AATK: variants seen among roughly 807,000 people sequenced by gnomAD.
AATK encodes the protein serine/threonine-protein kinase LMTK1.
In AATK, 91 loss-of-function variants were observed where a neutral mutation model predicts 114.3. That is an observed-to-expected ratio of 0.80 (90% confidence interval 0.67 to 0.95). The LOEUF (loss-of-function observed/expected upper bound fraction) is 0.95, where lower values mean the gene tolerates loss of function less well. Among genes scored for constraint, AATK ranks in the 40% least tolerant of loss-of-function variants. AATK has a pLI of 0.00. For synonymous variants in AATK, 1,075 were observed against 916.5 expected, an observed-to-expected ratio of 1.17 and a Z score of -3.12; for missense variants, 2,176 against 1,965.2, an observed-to-expected ratio of 1.11 and a Z score of -2.03.
intron 1 of AATK, among the ~76,000 whole-genome samples, chr17:81,153,053 G>A (rs567200242): frequency 1.3e-5 from 2 of 152,250 alleles, no homozygotes; most frequent in African/African-American, 4.8e-5. Context: ...TGTTGGCCAG[G>A]CTGGTCTTGA....
At chr17:81,125,079 A>G in intron 7 of AATK, 65 bp from the exon 8 acceptor site, 6 of 777,846 alleles carry the variant, frequency 7.7e-6, no homozygotes, top group African/African-American at 1.8e-5. Context: ...GGGTGGGGGC[A>G]GGGGGAGGGT....
intron 1 of AATK, among the ~76,000 whole-genome samples, chr17:81,146,167 C>G (rs1396999538): frequency 7.1e-6 from 1 of 141,440 alleles, no homozygotes; most frequent in Admixed American, 7.4e-5. Flanking sequence ...CCAGCCTAGG[C>G]AAGAGAGCGA....
Position 81,131,174 on chromosome 17 carries a change from G to C in AATK, c.221C>G (p.Ala74Gly), listed in dbSNP as rs2060924631. 6.3e-7 allele frequency: 1 copy of C among 1,580,794 alleles called. No homozygotes were observed. Among genetic ancestry groups the C allele is most frequent in the Admixed American group, 1.8e-5 (1 of 56,612 alleles). The change falls in exon 3 of 14, where the codon GCA becomes GGA. Residue 74 changes from alanine (A) to glycine (G), a missense_variant. Transcript: ENST00000326724. ...EFENAEGDEY[A>G]ADLAQGSPAT... The stretch of plus-strand genomic sequence containing the variant: ...CGGGGAGCCCTGCGCCAGGTCGGCT[G>C]CGTACTCGTCCCCCTCCGCATTCTC...
chr17:81,126,482 C>A lies in AATK; in HGVS notation c.700G>T (p.Ala234Ser). ...APDPRTLQRM[A>S]CEVACGVLHL... The stretch of plus-strand genomic sequence containing the variant: ...AGGACGCCACAGGCCACCTCACAGG[C>A]CATGCGCTGCAGGGTCCGGGGGTCG... Residue 234 changes from alanine (A) to serine (S), a missense_variant, in exon 7 of 14, where the codon GCC (alanine) becomes TCC (serine). Ala to Ser is a moderately conservative substitution (Grantham distance 99). Transcript: ENST00000326724. This position sits in a 1 kb window ranked among gnomAD's most constrained non-coding sequence, Gnocchi z 5.1. The A allele has an allele frequency of 6.4e-7, 1 of 1,555,950 alleles. No homozygotes were observed. Among genetic ancestry groups the A allele is most frequent in the South Asian group, 1.2e-5 (1 of 84,410 alleles).
At chr17:81,127,991 C>T (rs771921021) in intron 4 of AATK, 81 bp from the exon 5 acceptor site, 11 of 1,504,526 alleles carry the variant, frequency 7.3e-6, no homozygotes, top group Middle Eastern at 2.4e-4. Context: ...TCCCACCCGC[C>T]CCACGCCGGC....
intron 1 of AATK, among the ~76,000 whole-genome samples, chr17:81,140,918 C>T (rs1256102100): frequency 1.2e-5 from 1 of 86,296 alleles, no homozygotes. Flanking sequence ...GCCGTGGGGC[C>T]GTGGGACCGT....
rs2060828513 is a variant in AATK at position 81,126,563 on chromosome 17, G to A, written c.622-3C>T. 2.6e-6 allele frequency: 4 copies of A among 1,537,944 alleles called. No homozygotes were observed. Among genetic ancestry groups the A allele is most frequent in the Middle Eastern group, 1.7e-4 (1 of 5,926 alleles). On this transcript the variant is annotated splice_polypyrimidine_tract_variant and splice_region_variant and intron_variant, in intron 6 of 13. Coordinates refer to ENST00000326724, the MANE Select transcript of AATK (RefSeq NM_001080395.3). This position sits in a 1 kb window ranked among gnomAD's most constrained non-coding sequence, Gnocchi z 5.1. ...CGCAGGTAGCCCTTGAGGTCCCCCT[G>A]CAGAAAGGGGGTGTGGCGCAGTCAC...
intron 1 of AATK, among the ~76,000 whole-genome samples, chr17:81,142,273 T>C (rs1277033838): frequency 7.6e-5 from 11 of 144,604 alleles, no homozygotes; most frequent in Admixed American, 7.5e-4. Flanking sequence ...TTTTCTTTTT[T>C]CTTTTCTTTT....
intron 1 of AATK, among the ~76,000 whole-genome samples, chr17:81,157,632 G>C (rs1346478698): frequency 6.6e-6 from 1 of 152,230 alleles, no homozygotes; most frequent in East Asian, 1.9e-4. Context: ...ACACTCACAA[G>C]GAATGTCCCC....
intron 1 of AATK, among the ~76,000 whole-genome samples, chr17:81,143,459 C>T (rs909864386): frequency 2.3e-4 from 26 of 111,936 alleles, no homozygotes; most frequent in Admixed American, 1.1e-3. Context: ...GGCCATGCAG[C>T]CCCCACCCCT....
At chr17:81,118,543 C>T (rs563866591) in intron 13 of AATK, 101 bp from the exon 14 acceptor site, 50 of 1,258,436 alleles carry the variant, frequency 4.0e-5, no homozygotes, top group South Asian at 3.8e-4. Flanking sequence ...ACATACAGGC[C>T]GGGCCCCTTC....
chr17:81,143,440 T>C (rs1305606665), intron 1 of AATK, among the ~76,000 whole-genome samples: 1 of 151,344 alleles, frequency 6.6e-6, no homozygotes, highest in Non-Finnish European at 1.5e-5. Flanking sequence ...CCCATCCAGC[T>C]CTGCCTGGGG....
At position 81,120,624 on chromosome 17, in the gene AATK, G is replaced by C. The variant is rs755859776; in HGVS notation, c.3312C>G (p.Thr1104=). ...SPSCSQFFLL[T]PVPLRSEGNS... ...TGCCTTCTGATCTCAGCGGAACCGG[G>C]GTCAGCAGGAAAAACTGGGAGCAGC... is the stretch of plus-strand genomic sequence containing the variant. Residue 1104 remains threonine, a synonymous_variant, in exon 11 of 14, where the codon ACC becomes ACG. Coordinates refer to ENST00000326724, the MANE Select transcript of AATK (RefSeq NM_001080395.3). The C allele has an allele frequency of 3.8e-5, 58 of 1,545,928 alleles. No individual in the cohort carries two copies. Among genetic ancestry groups the C allele is most frequent in the Non-Finnish European group, 2.6e-6 (3 of 1,149,498 alleles).
At chr17:81,124,066 G>A (rs2060748413) in intron 9 of AATK, among the ~76,000 whole-genome samples, 1 of 152,172 alleles carries the variant, frequency 6.6e-6, no homozygotes, top group South Asian at 2.1e-4. Flanking sequence ...GGGCAGTCAA[G>A]TGGCTTAGGG....
chr17:81,130,001 T>C (rs1024325008), intron 3 of AATK, among the ~76,000 whole-genome samples: 2 of 152,184 alleles, frequency 1.3e-5, no homozygotes, highest in African/African-American at 4.8e-5. Context: ...GGGCCCTCTC[T>C]AGGTCCCAGA....
intron 1 of AATK, among the ~76,000 whole-genome samples, chr17:81,161,375 T>A (rs2061428245): frequency 6.6e-6 from 1 of 152,170 alleles, no homozygotes; most frequent in South Asian, 2.1e-4. Flanking sequence ...CAGGCCCCAG[T>A]CATTGGATTC....
intron 1 of AATK, among the ~76,000 whole-genome samples, chr17:81,160,628 G>A (rs1440663380): frequency 5.9e-5 from 9 of 152,174 alleles, no homozygotes; most frequent in African/African-American, 1.9e-4. Flanking sequence ...CCACGGACAC[G>A]GGCTCCTGGG....
chr17:81,134,368 C>T lies in AATK; in HGVS notation c.189G>A (p.Lys63=). 1.2e-6 allele frequency: 2 copies of T among 1,613,072 alleles called. No homozygotes were observed. Among genetic ancestry groups the T allele is most frequent in the Non-Finnish European group, 1.7e-6 (2 of 1,179,766 alleles). The change falls in exon 2 of 14, where the codon AAG becomes AAA. Residue 63 remains lysine, a splice_region_variant and synonymous_variant. Transcript: ENST00000326724. ...AGCTCCCGCGGCCCCCAGGCCTCACCTTGAACCCGATACCGCCCTTCTTAC... is the reference window on the plus strand; with the variant it reads ...AGCTCCCGCGGCCCCCAGGCCTCACTTTGAACCCGATACCGCCCTTCTTAC... The part of the protein sequence containing the change: ...LCCKKGGIGF[K]EFENAEGDEY...
chr17:81,126,863 G>A lies in AATK; in HGVS notation c.622-303C>T, dbSNP rs1288028091. 1.2e-5 allele frequency: 14 copies of A among 1,212,754 alleles called. No individual in the cohort carries two copies. Among genetic ancestry groups the A allele is most frequent in the Admixed American group, 3.9e-5 (1 of 25,782 alleles). The allele number at this position is 1,212,754 out of a possible 1,614,324, so 75.1% of individuals were successfully genotyped here. A position where few individuals can be genotyped will look rare whatever the true frequency, so the allele number is the denominator to read the frequency against. On this transcript the variant is annotated intron_variant, in intron 6 of 13. Transcript: ENST00000326724. The surrounding 1 kb of genome is among the most constrained non-coding windows in gnomAD (Gnocchi z 5.1). ...CAGGGCCCAAGTGGATCTGCTTGAT[G>A]GAGTCTGGGGCTGGTGGTCGAGGGT...
Sources: gnomAD v4.1 joint callset for allele counts (sites outside exome capture counted in the v4.1 genomes callset) on GRCh38, gnomAD v4.1.1 for gene constraint, Gnocchi (gnomAD v3.1) non-coding constraint, MANE v1.5 for transcripts, NCBI Gene and HGNC (gene_info 2026-07-23, HGNC 2026-07-21) for gene names.